Variants in MYSM1 observed in about 807,000 individuals in gnomAD.
MYSM1 encodes Myb like, SWIRM and MPN domains 1.
Under a neutral mutation model 116.0 loss-of-function variants are expected in MYSM1, and 51 were observed. That is an observed-to-expected ratio of 0.44 (90% confidence interval 0.35 to 0.56). The LOEUF is 0.56. Ranked by LOEUF, MYSM1 falls within the 20% of genes least tolerant of loss-of-function variation. MYSM1 has a pLI of 0.00. For synonymous variants in MYSM1, 313 were observed against 315.2 expected (o/e 0.99, Z 0.07); for missense variants, 900 against 974.9 (o/e 0.92, Z 1.02).
intron 3 of MYSM1, among the ~76,000 whole-genome samples, chr1:58,691,444 A>T (rs1238102709): frequency 6.6e-6 from 1 of 152,232 alleles, no homozygotes; most frequent in African/African-American, 2.4e-5. Context: ...TTGTTTCCAT[A>T]TCTAGAAGTG....
chr1:58,685,143 T>C lies in MYSM1; in HGVS notation c.498+10A>G, dbSNP rs753334746. On this transcript the variant is annotated intron_variant, in intron 7 of 19. Coordinates refer to ENST00000472487, the MANE Select transcript of MYSM1 (RefSeq NM_001085487.3). ...ATCATTATTAACCAGGATACTGATATTCTGCTTACCTTATTTTTAAAATAC... is the reference window on the plus strand; with the variant it reads ...ATCATTATTAACCAGGATACTGATACTCTGCTTACCTTATTTTTAAAATAC... 2 of 1,567,138 alleles carry C rather than the reference T, an allele frequency of 1.3e-6. No individual in the cohort carries two copies. Among genetic ancestry groups the C allele is most frequent in the Admixed American group, 2.0e-5 (1 of 49,964 alleles).
At position 58,660,024 on chromosome 1, in the gene MYSM1, C is replaced by A; in HGVS notation, c.2460G>T (p.Glu820Asp). The change falls in exon 20 of 20, where the codon GAG (glutamate) becomes GAT (aspartate). Residue 820 changes from glutamate (E) to aspartate (D), a missense_variant. Glu to Asp is a conservative substitution (Grantham distance 45). Around this residue, in one of 3 missense-constraint regions of MYSM1, gnomAD observed 186 missense variants for 196.2 expected, o/e 0.95. Transcript: ENST00000472487. ...KSNQENGVTE[E>D]NCTKELLM ...ACATTAACAATTCCTTTGTACAGTT[C>A]TCTTCGGTTACTCCATTCTCTTGGT... 6.2e-7 allele frequency: 1 copy of A among 1,602,550 alleles called. No homozygotes were observed. The highest frequency in any genetic ancestry group is 8.5e-7 in the Non-Finnish European group (1 of 1,174,104).
In MYSM1 at chr1:58,673,650, G is replaced by A. The variant is rs753820164; in HGVS notation, c.1495C>T (p.Arg499Cys). 5.6e-6 allele frequency: 9 copies of A among 1,613,162 alleles called. No individual in the cohort carries two copies. Among genetic ancestry groups the A allele is most frequent in the Admixed American group, 3.3e-5 (2 of 59,976 alleles). Residue 499 changes from arginine to cysteine, a missense_variant and splice_region_variant, in exon 11 of 20, where the codon CGT becomes TGT. By Grantham distance (180) the Arg-to-Cys change is radical (BLOSUM62 -3). Transcript: ENST00000472487. Reference protein sequence around the residue: ...YQLAQRLQSMRTRRRRVRDPW... With the variant: ...YQLAQRLQSMCTRRRRVRDPW... ...TCTCGGACCCTACGTCTCCTTGTAC[G>A]CTGCGATGAGATTAAAGTAAAGCAA...
intron 6 of MYSM1, among the ~76,000 whole-genome samples, chr1:58,686,778 A>G (rs1021188443): frequency 6.6e-6 from 1 of 152,100 alleles, no homozygotes; most frequent in African/African-American, 2.4e-5. Context: ...CTGGATTAAG[A>G]TATGATTAGT....
chr1:58,667,261 A>G, intron 15 of MYSM1, 35 bp from the exon 16 acceptor site: 3 of 1,375,790 alleles, frequency 2.2e-6, no homozygotes, highest in South Asian at 1.9e-5. Flanking sequence ...ATTATACTAA[A>G]ATCCTGTTAA....
chr1:58,664,550 A>C (rs60246413), intron 17 of MYSM1, among the ~76,000 whole-genome samples: 2,020 of 152,356 alleles, frequency 0.013, 42 homozygotes, highest in African/African-American at 0.047. Flanking sequence ...AGTGTTGCAG[A>C]TACATAAAGA....
chr1:58,659,905 C>T lies in MYSM1; in HGVS notation c.*92G>A, dbSNP rs949122930. ...GTGAAATAGAGAAAAAATACCAAAGCTGTGCCAATGTTAACTACAATCACT... is the reference window on the plus strand; with the variant it reads ...GTGAAATAGAGAAAAAATACCAAAGTTGTGCCAATGTTAACTACAATCACT... On this transcript the variant is annotated 3_prime_UTR_variant, in exon 20 of 20. Transcript: ENST00000472487. 6 of 826,054 alleles carry T rather than the reference C, an allele frequency of 7.3e-6. No homozygotes were observed. Among genetic ancestry groups the T allele is most frequent in the Non-Finnish European group, 1.1e-5 (6 of 566,754 alleles). 51.2% of individuals were successfully genotyped at this position (826,054 alleles called of 1,614,324 possible).
intron 12 of MYSM1, among the ~76,000 whole-genome samples, chr1:58,670,486 G>A (rs1262591870): frequency 1.3e-5 from 2 of 152,190 alleles, no homozygotes; most frequent in East Asian, 3.8e-4. Context: ...CAGCTGATTT[G>A]TGATCCTTAA....
At chr1:58,666,993 A>AG (rs1644483969) in intron 16 of MYSM1, 45 bp downstream of exon 16, 2 of 1,134,504 alleles carry the variant, frequency 1.8e-6, no homozygotes, top group Non-Finnish European at 2.5e-6. Flanking sequence ...GGGAGCATTG[A>AG]GGGGGTGTGC....
rs533749810 is a variant in MYSM1, at chr1:58,674,975, G to GT, written c.1494+501dup. Among the ~76,000 whole-genome samples, 113 of 141,596 alleles carry GT rather than the reference G, an allele frequency of 8.0e-4. 2 individuals are homozygous for GT. The South Asian group carries it at 0.017, about 21-fold the overall frequency. 92.9% of individuals were successfully genotyped at this position (141,596 alleles called of 152,430 possible). On this transcript the variant is annotated intron_variant, in intron 10 of 19. Coordinates refer to ENST00000472487, the MANE Select transcript of MYSM1 (RefSeq NM_001085487.3). ...AAAGTGTTGGATCACATTTTTATTT[G>GT]TTTTTTTTTCCCCTCGAGATGTTTC...
chr1:58,672,289 G>C (rs754117706), intron 11 of MYSM1, among the ~76,000 whole-genome samples: 4 of 151,896 alleles, frequency 2.6e-5, no homozygotes, highest in Non-Finnish European at 4.4e-5. Flanking sequence ...ACTGTGTTGA[G>C]TTTTCTTTCA....
At chr1:58,688,415 A>G (rs1644858833) in intron 6 of MYSM1, among the ~76,000 whole-genome samples, 2 of 150,418 alleles carry the variant, frequency 1.3e-5, no homozygotes, top group Admixed American at 1.3e-4. Context: ...TTGATAGTAA[A>G]AAAATTAAAA....
chr1:58,670,147 A>T (rs2100612083), intron 12 of MYSM1, among the ~76,000 whole-genome samples: 1 of 152,324 alleles, frequency 6.6e-6, no homozygotes, highest in Middle Eastern at 3.4e-3. Flanking sequence ...AAGTGATCAG[A>T]ACCGTGCCTG....
intron 8 of MYSM1, among the ~76,000 whole-genome samples, chr1:58,680,853 G>T (rs911906179): frequency 1.3e-5 from 2 of 148,606 alleles, no homozygotes; most frequent in African/African-American, 5.0e-5. Context: ...ATGAAGTCTC[G>T]CTCTGTCGCC....
At chr1:58,698,346 C>T (rs1326349632) in intron 1 of MYSM1, among the ~76,000 whole-genome samples, 1 of 150,952 alleles carries the variant, frequency 6.6e-6, no homozygotes, top group Non-Finnish European at 1.5e-5. Context: ...GTGATCTGCC[C>T]GCCTCGGTCT....
At chr1:58,682,786 C>A (rs1225454487) in intron 7 of MYSM1, among the ~76,000 whole-genome samples, 1 of 151,484 alleles carries the variant, frequency 6.6e-6, no homozygotes. Context: ...AGCTCCAGCT[C>A]CCGGGTTCAT....
intron 17 of MYSM1, among the ~76,000 whole-genome samples, chr1:58,663,405 A>T (rs574213434): frequency 6.6e-6 from 1 of 152,318 alleles, no homozygotes; most frequent in East Asian, 1.9e-4. Context: ...GCCTGTCACA[A>T]GTAAAGAAAA....
intron 13 of MYSM1, 63 bp downstream of exon 13, chr1:58,668,921 C>A (rs1644513665): frequency 1.7e-6 from 2 of 1,190,582 alleles, no homozygotes; most frequent in Non-Finnish European, 2.3e-6. Flanking sequence ...AAAGAGTAAG[C>A]ATTTCCTGTT....
At chr1:58,686,593 C>G (rs1017897851) in intron 6 of MYSM1, among the ~76,000 whole-genome samples, 5 of 152,146 alleles carry the variant, frequency 3.3e-5, no homozygotes, top group African/African-American at 1.2e-4. Flanking sequence ...TGGACAATTT[C>G]TTAAACTCAA....
Sources: allele counts gnomAD v4.1 joint callset (sites outside exome capture counted in the v4.1 genomes callset), GRCh38; gene constraint gnomAD v4.1.1; regional missense constraint gnomAD v4.1.1; transcripts MANE v1.5; gene names NCBI Gene and HGNC (gene_info 2026-07-23, HGNC 2026-07-21).